The following GPHN variants were observed in gnomAD, a reference collection of about 807,000 sequenced individuals.
The protein encoded by GPHN is gephyrin.
GPHN carries 17 observed loss-of-function variants against 95.5 expected under a neutral mutation model. The observed-to-expected ratio is 0.18, with a 90% confidence interval of 0.12 to 0.27. The LOEUF (loss-of-function observed/expected upper bound fraction) is 0.27, where lower values mean the gene tolerates loss of function less well. Among genes scored for constraint, GPHN ranks in the 10% least tolerant of loss-of-function variants. The pLI, the probability that GPHN is intolerant of heterozygous loss-of-function variation, is 1.00. For synonymous variants in GPHN, 320 were observed against 322.5 expected (o/e 0.99, Z 0.08); for missense variants, 660 against 978.1 (o/e 0.67, Z 4.34).
chr14:66,661,879 C>T (rs991121684), intron 1 of GPHN, among the ~76,000 whole-genome samples: 4 of 152,160 alleles, frequency 2.6e-5, no homozygotes, highest in Admixed American at 6.5e-5. Context: ...TACCCCAGCA[C>T]GGCACAGCTG....
the GPHN span, among the ~76,000 whole-genome samples, chr14:67,399,445 G>C: frequency 2.0e-4 from 26 of 130,046 alleles, no homozygotes; most frequent in Middle Eastern, 6.1e-3. Context: ...TTAGGTGGCT[G>C]TCAGGTGGCA....
chr14:66,914,706 G>C (rs1303383258), intron 5 of GPHN, among the ~76,000 whole-genome samples: 1 of 151,898 alleles, frequency 6.6e-6, no homozygotes, highest in Non-Finnish European at 1.5e-5. Flanking sequence ...TGCTAGATTT[G>C]CTTACATGAA....
At chr14:66,763,732 T>C (rs2058851033) in intron 2 of GPHN, among the ~76,000 whole-genome samples, 1 of 152,090 alleles carries the variant, frequency 6.6e-6, no homozygotes, top group Non-Finnish European at 1.5e-5. Flanking sequence ...CCCTGGGCCA[T>C]TGAACAGTAG....
the GPHN span, chr14:67,646,675 A>G: frequency 6.2e-7 from 1 of 1,613,618 alleles, no homozygotes; most frequent in Non-Finnish European, 8.5e-7. Flanking sequence ...TCCTGGATCA[A>G]ACCTTGTATC....
chr14:67,330,454 CAT>C, the GPHN span, among the ~76,000 whole-genome samples: 1 of 136,886 alleles, frequency 7.3e-6, no homozygotes, highest in African/African-American at 3.0e-5. Flanking sequence ...AATTTCCCTT[CAT>C]TTTTTTTTTT....
the GPHN span, among the ~76,000 whole-genome samples, chr14:67,591,282 T>C: frequency 1.5e-4 from 23 of 152,288 alleles, no homozygotes; most frequent in Non-Finnish European, 2.8e-4. Context: ...TTAGCCAGGA[T>C]GGTAGAAAAA....
the GPHN span, chr14:67,198,068 A>G: frequency 6.8e-7 from 1 of 1,476,852 alleles, no homozygotes; most frequent in East Asian, 2.3e-5. Flanking sequence ...ATTAATAAAT[A>G]AATGAAGCAA....
intron 11 of GPHN, among the ~76,000 whole-genome samples, chr14:67,061,972 T>C (rs1182987771): frequency 1.3e-5 from 2 of 152,220 alleles, no homozygotes; most frequent in Non-Finnish European, 2.9e-5. Context: ...CTAGCTGAGT[T>C]AAACACTCTT....
the GPHN span, among the ~76,000 whole-genome samples, chr14:67,332,485 G>A: frequency 1.3e-5 from 2 of 152,168 alleles, no homozygotes; most frequent in African/African-American, 2.4e-5. Context: ...GAAACAGTGT[G>A]TGTTCTTGAA....
chr14:67,363,267 G>A, the GPHN span, among the ~76,000 whole-genome samples: 67 of 151,826 alleles, frequency 4.4e-4, no homozygotes, highest in East Asian at 0.012. Flanking sequence ...TTCTTGGTGG[G>A]TAAGGCCATT....
chr14:66,652,420 T>A (rs571042738), intron 1 of GPHN, among the ~76,000 whole-genome samples: 77 of 152,056 alleles, frequency 5.1e-4, no homozygotes, highest in African/African-American at 1.6e-3. Flanking sequence ...CATATATATA[T>A]AATATCATTC....
the GPHN span, among the ~76,000 whole-genome samples, chr14:67,371,313 GGGAGGCTGAGGTGGGAGGAC>G: frequency 6.6e-6 from 1 of 151,978 alleles, no homozygotes; most frequent in African/African-American, 2.4e-5. Flanking sequence ...CCAGCTACTT[GGGAGGCTGAGGTGGGAGGAC>G]GGCTTGAGCC....
intron 3 of GPHN, among the ~76,000 whole-genome samples, chr14:66,785,138 C>T (rs756577146): frequency 1.5e-3 from 234 of 152,008 alleles, no homozygotes; most frequent in Non-Finnish European, 1.5e-3. Flanking sequence ...GAGGTCGAAG[C>T]GGGTGGATCA....
chr14:67,485,836 A>C, the GPHN span, among the ~76,000 whole-genome samples: 4 of 152,314 alleles, frequency 2.6e-5, no homozygotes, highest in East Asian at 7.7e-4. Context: ...TGAGGAGGAG[A>C]TGCTGCTGCT....
At chr14:67,481,238 G>T in the GPHN span, among the ~76,000 whole-genome samples, 1 of 152,192 alleles carries the variant, frequency 6.6e-6, no homozygotes, top group Non-Finnish European at 1.5e-5. Flanking sequence ...AGCTATGATT[G>T]TGCCACTGCA....
the GPHN span, among the ~76,000 whole-genome samples, chr14:67,420,688 A>C: frequency 1.1e-4 from 17 of 152,230 alleles, no homozygotes; most frequent in African/African-American, 4.1e-4. Flanking sequence ...AGGAGGGTAG[A>C]TGTCTCAATT....
chr14:67,013,650 A>G (rs1458100496), intron 9 of GPHN, among the ~76,000 whole-genome samples: 1 of 152,042 alleles, frequency 6.6e-6, no homozygotes, highest in African/African-American at 2.4e-5. Context: ...ATATTTGTAC[A>G]TCTTTCATGT....
chr14:67,099,767 G>A (rs918088783), intron 12 of GPHN, among the ~76,000 whole-genome samples: 1 of 151,880 alleles, frequency 6.6e-6, no homozygotes, highest in Non-Finnish European at 1.5e-5. Flanking sequence ...CTACATAAAC[G>A]AGCAATTAAT....
chr14:67,524,232 T>C, the GPHN span, among the ~76,000 whole-genome samples: 1 of 152,178 alleles, frequency 6.6e-6, no homozygotes, highest in South Asian at 2.1e-4. Context: ...GGATTACAGA[T>C]GCATGCCACC....
Sources: gnomAD v4.1 joint callset for allele counts (sites outside exome capture counted in the v4.1 genomes callset) on GRCh38, gnomAD v4.1.1 for gene constraint, MANE v1.5 for transcripts, NCBI Gene and HGNC (gene_info 2026-07-23, HGNC 2026-07-21) for gene names.